AGMO: variants seen among roughly 807,000 people sequenced by gnomAD.
AGMO encodes the protein glyceryl-ether monooxygenase.
Under a neutral mutation model 60.2 loss-of-function variants are expected in AGMO, and 75 were observed. The ratio of observed to expected loss-of-function variants is 1.25; its 90% CI spans 1.03 to 1.51. AGMO has a LOEUF of 1.51. Among genes scored for constraint, AGMO ranks in the 40% most tolerant of loss-of-function variants. The probability of loss-of-function intolerance (pLI) is 0.00; values close to 1 mark genes in which losing one functional copy is unlikely to be tolerated. For missense variants in AGMO, 763 were observed against 525.5 expected (o/e 1.45, Z -4.42); for synonymous variants, 261 against 177.1 (o/e 1.47, Z -3.76).
chr7:15,545,417 T>C (rs1166154388), intron 2 of AGMO, among the ~76,000 whole-genome samples: 3 of 152,082 alleles, frequency 2.0e-5, no homozygotes, highest in African/African-American at 7.2e-5. Context: ...GCCTTTAGGT[T>C]AAAGTTGCTT....
At chr7:15,292,327 T>TC (rs2128522532) in intron 12 of AGMO, among the ~76,000 whole-genome samples, 1 of 152,228 alleles carries the variant, frequency 6.6e-6, no homozygotes, top group South Asian at 2.1e-4. Context: ...TGTTGAGAGC[T>TC]CCCTTGGTGA....
intron 5 of AGMO, among the ~76,000 whole-genome samples, chr7:15,416,513 T>A (rs936393869): frequency 6.6e-6 from 1 of 152,184 alleles, no homozygotes; most frequent in African/African-American, 2.4e-5. Context: ...TTCTTCACTT[T>A]CAAAAAAATC....
chr7:15,539,207 T>C (rs1052001227), intron 3 of AGMO, among the ~76,000 whole-genome samples: 4 of 152,160 alleles, frequency 2.6e-5, no homozygotes, highest in African/African-American at 9.7e-5. Flanking sequence ...AAACAGTGTG[T>C]CATGAGATTT....
intron 12 of AGMO, among the ~76,000 whole-genome samples, chr7:15,351,342 A>C (rs1782237391): frequency 6.6e-6 from 1 of 152,160 alleles, no homozygotes; most frequent in Admixed American, 6.5e-5. Context: ...CTTGAAAGAG[A>C]TATAACATAT....
chr7:15,379,841 C>T (rs1247865197), intron 10 of AGMO, among the ~76,000 whole-genome samples: 1 of 152,082 alleles, frequency 6.6e-6, no homozygotes, highest in Non-Finnish European at 1.5e-5. Context: ...TCCCTGGGTG[C>T]AAGGTTGGTT....
chr7:15,221,442 CTTGT>C (rs1001472992), intron 12 of AGMO, among the ~76,000 whole-genome samples: 12 of 152,108 alleles, frequency 7.9e-5, no homozygotes, highest in Non-Finnish European at 1.6e-4. Context: ...AAAATTCCTC[CTTGT>C]TTTTCACTTT....
chr7:15,291,903 G>A (rs1784274560), intron 12 of AGMO, among the ~76,000 whole-genome samples: 1 of 152,254 alleles, frequency 6.6e-6, no homozygotes, highest in South Asian at 2.1e-4. Flanking sequence ...ATACAGTAGG[G>A]GGAGCTCAGG....
At chr7:15,320,563 T>C (rs1474013994) in intron 12 of AGMO, among the ~76,000 whole-genome samples, 3 of 152,056 alleles carry the variant, frequency 2.0e-5, no homozygotes, top group Non-Finnish European at 4.4e-5. Context: ...TCTTCATAAT[T>C]GGGGAATAAT....
chr7:15,421,615 A>G (rs1780927165), intron 4 of AGMO, among the ~76,000 whole-genome samples: 1 of 152,154 alleles, frequency 6.6e-6, no homozygotes, highest in African/African-American at 2.4e-5. Context: ...GAAGACACCC[A>G]GATTTCTGGC....
intron 3 of AGMO, among the ~76,000 whole-genome samples, chr7:15,491,361 T>C (rs1387359035): frequency 6.6e-6 from 1 of 152,198 alleles, no homozygotes; most frequent in African/African-American, 2.4e-5. Flanking sequence ...ACGGTGATCT[T>C]AGCATCACTT....
At chr7:15,383,664 T>C (rs1298012484) in intron 10 of AGMO, among the ~76,000 whole-genome samples, 7 of 152,152 alleles carry the variant, frequency 4.6e-5, no homozygotes, top group African/African-American at 1.7e-4. Flanking sequence ...TATTATTTAT[T>C]AATTTCTTTT....
chr7:15,468,452 T>C (rs1455544372), intron 3 of AGMO, among the ~76,000 whole-genome samples: 1 of 152,150 alleles, frequency 6.6e-6, no homozygotes, highest in Non-Finnish European at 1.5e-5. Context: ...ATCAATTGTA[T>C]AATTATATGT....
At chr7:15,373,298 G>A (rs978663147) in intron 10 of AGMO, among the ~76,000 whole-genome samples, 1 of 151,620 alleles carries the variant, frequency 6.6e-6, no homozygotes, top group Non-Finnish European at 1.5e-5. Context: ...AAAATTATTT[G>A]GTAGCTCGTT....
chr7:15,506,332 G>C (rs113779342), intron 3 of AGMO, among the ~76,000 whole-genome samples: 2,185 of 151,914 alleles, frequency 0.014, 32 homozygotes, highest in African/African-American at 0.046. Context: ...AAACTGGCTC[G>C]AGTTACACAG....
In AGMO at chr7:15,209,542, T is replaced by G. The variant is rs549817713; in HGVS notation, c.1264-8183A>C. On this transcript the variant is annotated intron_variant, in intron 12 of 12. Coordinates refer to ENST00000342526, the MANE Select transcript of AGMO (RefSeq NM_001004320.2). ...GTCAAAGGGATGATTAGAGCCCCAGTAAATGGGAACCTCCCAGCATACGCT... is the reference window on the plus strand; with the variant it reads ...GTCAAAGGGATGATTAGAGCCCCAGGAAATGGGAACCTCCCAGCATACGCT... Among the ~76,000 whole-genome samples the G allele has an allele frequency of 1.2e-4, 19 of 152,284 alleles. No individual in the cohort carries two copies. In the South Asian group the frequency reaches 2.3e-3, roughly 18 times the overall value.
the AGMO span, among the ~76,000 whole-genome samples, chr7:15,189,653 G>T: frequency 2.6e-5 from 4 of 151,894 alleles, no homozygotes; most frequent in African/African-American, 9.7e-5. Context: ...ACCACTCCAG[G>T]ATCTCATCAA....
chr7:15,463,885 T>C (rs1420238117), intron 3 of AGMO, among the ~76,000 whole-genome samples: 1 of 152,180 alleles, frequency 6.6e-6, no homozygotes, highest in Admixed American at 6.5e-5. Flanking sequence ...TTCAAAGCTG[T>C]GCTTGATTAT....
intron 3 of AGMO, among the ~76,000 whole-genome samples, chr7:15,479,873 A>T (rs577651548): frequency 3.9e-4 from 60 of 152,276 alleles, no homozygotes; most frequent in African/African-American, 1.3e-3. Context: ...TAACGGCTAG[A>T]ATTCAAAGAA....
chr7:15,528,415 G>A (rs1784182310), intron 3 of AGMO, among the ~76,000 whole-genome samples: 1 of 151,988 alleles, frequency 6.6e-6, no homozygotes, highest in Non-Finnish European at 1.5e-5. Context: ...GTACACTTGT[G>A]TTACCATACA....
Sources: allele counts gnomAD v4.1 joint callset (sites outside exome capture counted in the v4.1 genomes callset), GRCh38; gene constraint gnomAD v4.1.1; transcripts MANE v1.5; gene names NCBI Gene and HGNC (gene_info 2026-07-23, HGNC 2026-07-21).